The following SORBS2 variants were observed in gnomAD, a reference collection of about 807,000 sequenced individuals.
The protein encoded by SORBS2 is sorbin and SH3 domain containing 2.
In SORBS2, 46 loss-of-function variants were observed where a neutral mutation model predicts 97.7. That is an observed-to-expected ratio of 0.47 (90% confidence interval 0.37 to 0.60). The LOEUF (loss-of-function observed/expected upper bound fraction) is 0.60, where lower values mean the gene tolerates loss of function less well. Among genes scored for constraint, SORBS2 ranks in the 20% least tolerant of loss-of-function variants. The pLI is 0.00. For synonymous variants in SORBS2, 476 were observed against 473.4 expected (o/e 1.01, Z -0.07); for missense variants, 1,316 against 1,282.3 (o/e 1.03, Z -0.40).
intron 2 of SORBS2, among the ~76,000 whole-genome samples, chr4:185,748,564 C>A (rs28521093): frequency 1.3e-5 from 2 of 151,974 alleles, no homozygotes; most frequent in Non-Finnish European, 2.9e-5. Context: ...GGAGGCCTCA[C>A]GAGCAATTTT....
chr4:185,608,147 G>A (rs1481225764), intron 12 of SORBS2, among the ~76,000 whole-genome samples: 2 of 152,162 alleles, frequency 1.3e-5, no homozygotes, highest in African/African-American at 4.8e-5. Flanking sequence ...TGTGTGTAGT[G>A]TTCTCTTGTC....
chr4:185,656,590 C>T (rs1279337740), intron 1 of SORBS2: 4 of 1,506,286 alleles, frequency 2.7e-6, no homozygotes, highest in Admixed American at 4.0e-5. Flanking sequence ...GCTGCAGTCC[C>T]TCCCCGCATG....
In SORBS2 at chr4:185,708,782, G is replaced by A. The variant is rs1054081285; in HGVS notation, c.-197-29960C>T. Among the ~76,000 whole-genome samples the A allele has an allele frequency of 4.6e-5, 7 of 152,074 alleles. No homozygotes were observed. In the East Asian group the frequency reaches 9.6e-4, roughly 21 times the overall value. ...AAATCATTAAGGCAAGGGGGAAAAG[G>A]CCCACAAAAGGTGGCTCTGAAACGT... On this transcript the variant is annotated intron_variant, in intron 2 of 20. Transcript: ENST00000284776.
chr4:185,828,988 T>G (rs952254567), intron 1 of SORBS2, among the ~76,000 whole-genome samples: 10 of 152,196 alleles, frequency 6.6e-5, no homozygotes, highest in Non-Finnish European at 1.3e-4. Context: ...ACAGATCAGA[T>G]TTAATCCATC....
intron 4 of SORBS2, chr4:185,638,895 C>T: frequency 2.0e-6 from 3 of 1,480,536 alleles, no homozygotes; most frequent in Non-Finnish European, 1.8e-6. Context: ...GAGACAGAGC[C>T]GGGGCGCGCG....
intron 1 of SORBS2, among the ~76,000 whole-genome samples, chr4:185,940,355 G>A (rs2099271296): frequency 2.0e-5 from 3 of 152,158 alleles, no homozygotes; most frequent in African/African-American, 7.2e-5. Flanking sequence ...TCATAAATGT[G>A]CTTTTCCCTT....
chr4:185,885,266 G>A (rs1344373570), intron 1 of SORBS2, among the ~76,000 whole-genome samples: 1 of 152,210 alleles, frequency 6.6e-6, no homozygotes, highest in Non-Finnish European at 1.5e-5. Flanking sequence ...GCCCAAGGGC[G>A]AGGAAAAGCC....
At chr4:185,686,135 T>C (rs970402865) in intron 2 of SORBS2, among the ~76,000 whole-genome samples, 1 of 152,138 alleles carries the variant, frequency 6.6e-6, no homozygotes, top group Non-Finnish European at 1.5e-5. Flanking sequence ...AAAAAGACAA[T>C]ATAACCACCG....
At chr4:185,872,713 T>C (rs1278648162) in intron 1 of SORBS2, among the ~76,000 whole-genome samples, 1 of 152,178 alleles carries the variant, frequency 6.6e-6, no homozygotes, top group Non-Finnish European at 1.5e-5. Flanking sequence ...AGAAATGTGG[T>C]TGGGGAGAGG....
chr4:185,837,218 A>T (rs146947212), intron 1 of SORBS2, among the ~76,000 whole-genome samples: 136 of 152,340 alleles, frequency 8.9e-4, no homozygotes, highest in Non-Finnish European at 1.9e-3. Context: ...TTTAAATTTT[A>T]CATCAAACAG....
At chr4:185,695,536 A>G (rs1206662317) in intron 2 of SORBS2, among the ~76,000 whole-genome samples, 1 of 152,146 alleles carries the variant, frequency 6.6e-6, no homozygotes, top group Non-Finnish European at 1.5e-5. Flanking sequence ...TATTTTAAAC[A>G]TGAACATAAA....
At chr4:185,791,720 G>A (rs1386819999) in intron 1 of SORBS2, among the ~76,000 whole-genome samples, 2 of 151,614 alleles carry the variant, frequency 1.3e-5, no homozygotes, top group African/African-American at 4.9e-5. Flanking sequence ...AAAAAAATAA[G>A]ATTGTTTTTC....
At chr4:185,873,207 C>T (rs937313504) in intron 1 of SORBS2, among the ~76,000 whole-genome samples, 1 of 152,168 alleles carries the variant, frequency 6.6e-6, no homozygotes, top group Non-Finnish European at 1.5e-5. Context: ...GTTGCAATGA[C>T]TTTTATTTTT....
chr4:185,623,817 C>A lies in SORBS2; in HGVS notation c.1312G>T (p.Val438Leu), dbSNP rs752193024. 3.7e-6 allele frequency: 6 copies of A among 1,613,960 alleles called. No individual in the cohort carries two copies. Among genetic ancestry groups the A allele is most frequent in the Non-Finnish European group, 5.1e-6 (6 of 1,180,004 alleles). Residue 438 changes from valine to leucine, a missense_variant, in exon 7 of 15, where the codon GTA (valine) becomes TTA (leucine). Physicochemically the swap from Val to Leu is conservative, Grantham distance 32 (BLOSUM62 1). Coordinates refer to ENST00000418609, the Ensembl canonical transcript of SORBS2. This position sits in a 1 kb window ranked among gnomAD's most constrained non-coding sequence, Gnocchi z 6.4. ...CCATTTTGCGGTGGTTCTAGGGTTACGGGAGACAGCATGTCATCCCCTAAA... is the reference window on the plus strand; with the variant it reads ...CCATTTTGCGGTGGTTCTAGGGTTAAGGGAGACAGCATGTCATCCCCTAAA...
At chr4:185,644,374 G>A (rs1340483679) in intron 4 of SORBS2, among the ~76,000 whole-genome samples, 2 of 152,126 alleles carry the variant, frequency 1.3e-5, no homozygotes, top group Non-Finnish European at 2.9e-5. Flanking sequence ...TAGGGCCTAA[G>A]TTTCTGATAA....
At chr4:185,854,785 A>AAGAG (rs10560938) in intron 1 of SORBS2, among the ~76,000 whole-genome samples, 268 of 149,786 alleles carry the variant, frequency 1.8e-3, no homozygotes, top group African/African-American at 5.3e-3. Context: ...AGAAATAGAG[A>AAGAG]AGAGAGAGAG....
At chr4:185,713,964 A>T (rs2098445203) in intron 2 of SORBS2, among the ~76,000 whole-genome samples, 1 of 152,246 alleles carries the variant, frequency 6.6e-6, no homozygotes, top group Non-Finnish European at 1.5e-5. Flanking sequence ...TCTGTGAAAT[A>T]TGGAATCACC....
intron 1 of SORBS2, among the ~76,000 whole-genome samples, chr4:185,808,213 T>C (rs372162576): frequency 1.4e-3 from 206 of 152,286 alleles, no homozygotes; most frequent in African/African-American, 4.6e-3. Flanking sequence ...GAAAACTCAA[T>C]GCTGGAATGA....
intron 1 of SORBS2, among the ~76,000 whole-genome samples, chr4:185,788,257 G>A (rs2099065440): frequency 6.6e-6 from 1 of 152,222 alleles, no homozygotes; most frequent in African/African-American, 2.4e-5. Context: ...ACAGAAAGAG[G>A]TTTTCATAGA....
Sources: allele counts gnomAD v4.1 joint callset (sites outside exome capture counted in the v4.1 genomes callset), GRCh38; gene constraint gnomAD v4.1.1; non-coding constraint Gnocchi (gnomAD v3.1); transcripts MANE v1.5; gene names NCBI Gene and HGNC (gene_info 2026-07-23, HGNC 2026-07-21).